FBXW8: variants seen among roughly 807,000 people sequenced by gnomAD.
FBXW8 encodes F-box and WD repeat domain containing 8.
FBXW8 carries 57 observed loss-of-function variants against 65.3 expected under a neutral mutation model. That is an observed-to-expected ratio of 0.87 (90% CI 0.71 to 1.09). The LOEUF (loss-of-function observed/expected upper bound fraction) is 1.09. Among genes scored for constraint, FBXW8 ranks in the 50% least tolerant of loss-of-function variants. The pLI is 0.00. For synonymous variants in FBXW8, 308 were observed against 330.2 expected, an observed-to-expected ratio of 0.93 and a Z score of 0.73; for missense variants, 777 against 814.8, an observed-to-expected ratio of 0.95 and a Z score of 0.57.
intron 2 of FBXW8, 79 bp from the exon 3 acceptor site, chr12:116,945,285 A>G (rs1882853471): frequency 7.1e-7 from 1 of 1,404,816 alleles, no homozygotes; most frequent in Admixed American, 1.9e-5. Context: ...GCAATAATAT[A>G]GGTGTTGATT....
intron 1 of FBXW8, among the ~76,000 whole-genome samples, chr12:116,921,713 G>A (rs567503818): frequency 5.9e-5 from 9 of 151,546 alleles, no homozygotes; most frequent in Non-Finnish European, 8.8e-5. Context: ...AATATCATGT[G>A]CTCACTGTAG....
chr12:117,014,072 C>A (rs891034230), intron 8 of FBXW8, among the ~76,000 whole-genome samples: 2 of 152,082 alleles, frequency 1.3e-5, no homozygotes. Flanking sequence ...AAATATTAAA[C>A]CTTGTGAAAT....
At chr12:117,022,753 G>A (rs758645328) in intron 8 of FBXW8, among the ~76,000 whole-genome samples, 65 of 152,308 alleles carry the variant, frequency 4.3e-4, no homozygotes, top group Non-Finnish European at 7.4e-4. Context: ...CTGCCCCTTC[G>A]TTGTTTTAAG....
chr12:116,928,664 G>A lies in FBXW8; in HGVS notation c.423+537G>A, dbSNP rs117866878. On this transcript the variant is annotated intron_variant, in intron 2 of 10. Coordinates refer to ENST00000652555, the MANE Select transcript of FBXW8 (RefSeq NM_153348.3). ...AGGGAATTACAGATCAATGTCACCCGTCTCACACTTACTCTGGGGCATATG... is the reference window on the plus strand; with the variant it reads ...AGGGAATTACAGATCAATGTCACCCATCTCACACTTACTCTGGGGCATATG... Among the ~76,000 whole-genome samples, 138 of 152,264 alleles carry A rather than the reference G, an allele frequency of 9.1e-4. No homozygotes were observed. In the East Asian group the frequency reaches 0.017, roughly 19 times the overall value.
At chr12:116,964,978 C>G in intron 5 of FBXW8, 124 bp downstream of exon 5, 4 of 914,372 alleles carry the variant, frequency 4.4e-6, no homozygotes, top group Non-Finnish European at 6.4e-6. Flanking sequence ...CACATGTTCA[C>G]ACACATACAC....
chr12:117,024,764 C>G (rs1373916636), intron 9 of FBXW8, among the ~76,000 whole-genome samples: 1 of 152,046 alleles, frequency 6.6e-6, no homozygotes, highest in African/African-American at 2.4e-5. Flanking sequence ...AGCTGCTGTC[C>G]TCCACTCGAG....
chr12:116,964,594 CCCGATT>C (rs1255692060), intron 4 of FBXW8, 97 bp from the exon 5 acceptor site: 17 of 1,403,618 alleles, frequency 1.2e-5, no homozygotes, highest in Non-Finnish European at 1.7e-5. Context: ...CTCTACACCA[CCCGATT>C]CTTACTTGTC....
At chr12:116,963,738 C>A (rs1006774625) in intron 4 of FBXW8, among the ~76,000 whole-genome samples, 1 of 152,194 alleles carries the variant, frequency 6.6e-6, no homozygotes, top group Admixed American at 6.5e-5. Flanking sequence ...GGCAAAGAAA[C>A]CCTGCAGGAA....
chr12:116,991,979 C>A (rs1480544361), intron 7 of FBXW8, among the ~76,000 whole-genome samples: 1 of 152,206 alleles, frequency 6.6e-6, no homozygotes, highest in East Asian at 1.9e-4. Flanking sequence ...ATTCCTATAT[C>A]TGGCTAGCCA....
intron 7 of FBXW8, among the ~76,000 whole-genome samples, chr12:116,994,343 T>C (rs899807230): frequency 6.6e-6 from 1 of 152,200 alleles, no homozygotes; most frequent in Non-Finnish European, 1.5e-5. Context: ...AGTAAATACA[T>C]AGACCAATGG....
intron 4 of FBXW8, among the ~76,000 whole-genome samples, chr12:116,964,084 T>G (rs1050856415): frequency 6.6e-6 from 1 of 152,206 alleles, no homozygotes; most frequent in Non-Finnish European, 1.5e-5. Flanking sequence ...GTACTTCTAT[T>G]TTCTAAGTGG....
At chr12:117,011,851 A>G (rs970157440) in intron 8 of FBXW8, among the ~76,000 whole-genome samples, 1 of 152,208 alleles carries the variant, frequency 6.6e-6, no homozygotes, top group African/African-American at 2.4e-5. Flanking sequence ...TTTTCTGCAT[A>G]ATTTCAAAAA....
chr12:116,957,189 A>T (rs1360770725), intron 4 of FBXW8, among the ~76,000 whole-genome samples: 1 of 151,910 alleles, frequency 6.6e-6, no homozygotes, highest in African/African-American at 2.4e-5. Flanking sequence ...TCTACCAAAA[A>T]TACAAAAATT....
Position 116,949,646 on chromosome 12 carries a change from A to T in FBXW8, c.617A>T (p.Glu206Val), listed in dbSNP as rs1329744090. ...KNRKGAVSEL[E>V]HVPDTVLCDV... Reference sequence around the variant, plus strand: ...CGCAAAGGTGCCGTGAGCGAGCTGGAGCATGTTCCTGACACAGTTTTGTGT... The same window carrying T: ...CGCAAAGGTGCCGTGAGCGAGCTGGTGCATGTTCCTGACACAGTTTTGTGT... Residue 206 changes from glutamate (E) to valine (V), a missense_variant, in exon 4 of 11, where the codon GAG becomes GTG. Transcript: ENST00000652555. 3.1e-6 allele frequency: 5 copies of T among 1,614,054 alleles called. No individual in the cohort carries two copies. Among genetic ancestry groups the T allele is most frequent in the Non-Finnish European group, 3.4e-6 (4 of 1,180,036 alleles).
At chr12:116,920,805 G>A (rs1395375929) in intron 1 of FBXW8, among the ~76,000 whole-genome samples, 1 of 152,184 alleles carries the variant, frequency 6.6e-6, no homozygotes, top group Non-Finnish European at 1.5e-5. Flanking sequence ...AGCCAATCCT[G>A]ATGGTGGGAA....
intron 1 of FBXW8, among the ~76,000 whole-genome samples, chr12:116,923,748 T>A (rs1881095024): frequency 7.4e-6 from 1 of 135,992 alleles, no homozygotes; most frequent in Admixed American, 7.4e-5. Flanking sequence ...TGAGACGGAG[T>A]CTTGCTCTGT....
intron 4 of FBXW8, among the ~76,000 whole-genome samples, chr12:116,960,859 A>G (rs1056054655): frequency 9.9e-5 from 15 of 152,194 alleles, no homozygotes; most frequent in African/African-American, 3.6e-4. Context: ...GTTTCTTCAG[A>G]TAAAGGGCAT....
intron 2 of FBXW8, among the ~76,000 whole-genome samples, chr12:116,933,014 A>G (rs942782422): frequency 1.3e-5 from 1 of 77,812 alleles, no homozygotes; most frequent in Admixed American, 1.8e-4. Context: ...AAAGGCTAAA[A>G]TTCACTTAAA....
chr12:116,964,383 G>T (rs556938052), intron 4 of FBXW8, among the ~76,000 whole-genome samples: 1 of 152,370 alleles, frequency 6.6e-6, no homozygotes, highest in East Asian at 1.9e-4. Flanking sequence ...CCTGTAGTGG[G>T]AGAGCTTGCA....
Sources: allele counts gnomAD v4.1 joint callset (sites outside exome capture counted in the v4.1 genomes callset), GRCh38; gene constraint gnomAD v4.1.1; transcripts MANE v1.5; gene names NCBI Gene and HGNC (gene_info 2026-07-23, HGNC 2026-07-21).